Variants in BCOR observed in about 807,000 individuals in gnomAD.
BCOR encodes the protein BCL6 corepressor, also known as BCL-6 corepressor.
A neutral mutation model predicts 86.7 loss-of-function variants in BCOR; 10 were observed. The observed-to-expected ratio is 0.12, with a 90% CI of 0.07 to 0.20. BCOR has a LOEUF of 0.20. BCOR is among the 10% of genes least tolerant of loss of function. The pLI is 1.00. For synonymous variants in BCOR, 611 were observed against 609.0 expected, an observed-to-expected ratio of 1.00 and a Z score of -0.05; for missense variants, 1,259 against 1,452.1, an observed-to-expected ratio of 0.87 and a Z score of 2.16.
rs1189247969 is a variant in BCOR at position 40,073,983 on chromosome X, C to T, written c.1363G>A (p.Ala455Thr). 2 of 1,212,411 alleles carry T rather than the reference C, an allele frequency of 1.6e-6. No homozygotes were observed. The highest frequency in any genetic ancestry group is 3.5e-5 in the South Asian group (2 of 57,031). The change falls in exon 4 of 15, where the codon GCT (alanine) becomes ACT (threonine). Residue 455 changes from alanine to threonine, a missense_variant. Around this residue, in one of 7 missense-constraint regions of BCOR, gnomAD observed 534 missense variants for 594.8 expected, o/e 0.90. Coordinates refer to ENST00000378444, the MANE Select transcript of BCOR (RefSeq NM_001123385.2). ...SKVVDVDASKADHMKKMAPTV... is the reference protein window; with the variant it reads ...SKVVDVDASKTDHMKKMAPTV... Reference sequence around the variant, plus strand: ...GGAGCCATCTTTTTCATGTGGTCAGCTTTGGAAGCATCTACATCCACCACT... The same window carrying T: ...GGAGCCATCTTTTTCATGTGGTCAGTTTTGGAAGCATCTACATCCACCACT...
Position 40,073,604 on chromosome X carries a change from G to T in BCOR, c.1742C>A (p.Thr581Asn). The stretch of plus-strand genomic sequence containing the variant: ...TTCTACAGAGCTCCTGCTGGTTTTG[G>T]TGCCATCTGCATTGGCATTGGGGGC... ...SPAPNANADGTKTSRSSVETT... is the reference protein window; with the variant it reads ...SPAPNANADGNKTSRSSVETT... Residue 581 changes from threonine (T) to asparagine (N), a missense_variant, in exon 4 of 15, where the codon ACC (threonine) becomes AAC (asparagine). Physicochemically the swap from Thr to Asn is moderately conservative, Grantham distance 65 (BLOSUM62 0). Coordinates refer to ENST00000378444, the MANE Select transcript of BCOR (RefSeq NM_001123385.2). 1 of 1,212,244 alleles carries T rather than the reference G, an allele frequency of 8.2e-7. No homozygotes were observed. Among genetic ancestry groups the T allele is most frequent in the Non-Finnish European group, 1.1e-6 (1 of 895,689 alleles).
chrX:40,128,045 T>G (rs1015085131), intron 1 of BCOR, among the ~76,000 whole-genome samples: 6 of 99,314 alleles, frequency 6.0e-5, no homozygotes, highest in African/African-American at 2.3e-4. Context: ...GCCAATATGG[T>G]GAAACCCCAT....
intron 1 of BCOR, among the ~76,000 whole-genome samples, chrX:40,170,478 G>A (rs2148029168): frequency 9.1e-6 from 1 of 110,096 alleles, no homozygotes; most frequent in South Asian, 3.9e-4. Context: ...CTCCCCAGTA[G>A]CTGGGATTAC....
intron 1 of BCOR, among the ~76,000 whole-genome samples, chrX:40,090,561 C>A (rs954401443): frequency 1.8e-5 from 2 of 111,628 alleles, no homozygotes; most frequent in Admixed American, 9.3e-5. Flanking sequence ...TTGCTCCACC[C>A]CACCCCACCC....
intron 1 of BCOR, among the ~76,000 whole-genome samples, chrX:40,083,053 C>G (rs1412947532): frequency 9.5e-6 from 1 of 105,728 alleles, no homozygotes; most frequent in Non-Finnish European, 1.9e-5. Context: ...AGCAGCAGCG[C>G]TGTGCTCCGG....
rs1324288087 is a variant in BCOR at position 40,075,146 on chromosome X, A to C, written c.200T>G (p.Leu67Arg). ...AGTGCGGTCCATGCTCAGTGCTGCC[A>C]GGCCATCGATCCTATGGGCCGTGCT... The part of the protein sequence containing the change: ...DASTAHRIDG[L>R]AALSMDRTGL... The change falls in exon 4 of 15, where the codon CTG becomes CGG. Residue 67 changes from leucine to arginine, a missense_variant. Physicochemically the swap from Leu to Arg is moderately radical, Grantham distance 102. Around this residue, in one of 7 missense-constraint regions of BCOR, gnomAD observed 174 missense variants for 189.3 expected, o/e 0.92. Coordinates refer to ENST00000378444, the MANE Select transcript of BCOR (RefSeq NM_001123385.2). 8.3e-7 allele frequency: 1 copy of C among 1,207,778 alleles called. No homozygotes were observed. The highest frequency in any genetic ancestry group is 1.1e-6 in the Non-Finnish European group (1 of 894,587).
Position 40,073,053 on chromosome X carries a change from A to T in BCOR, c.2293T>A (p.Ser765Thr). Residue 765 changes from serine (S) to threonine (T), a missense_variant, in exon 4 of 15, where the codon TCC becomes ACC. By Grantham distance (58) the Ser-to-Thr change is moderately conservative. This residue lies in a region of BCOR where 534 missense variants were observed against 594.8 expected (regional missense o/e 0.90). Coordinates refer to ENST00000378444, the MANE Select transcript of BCOR (RefSeq NM_001123385.2). ...YEDPTLRNRF[S>T]EILETSSTKL... ...GTGCTGCTAGTTTCCAAAATCTCGG[A>T]AAACCGATTCCGGAGGGTTGGGTCC... 8.3e-7 allele frequency: 1 copy of T among 1,211,850 alleles called. No individual in the cohort carries two copies. Among genetic ancestry groups the T allele is most frequent in the African/African-American group, 1.7e-5 (1 of 57,767 alleles).
rs11797578 is a variant in BCOR at position 40,068,866 on chromosome X, C to T, written c.3238+2107G>A. Among the ~76,000 whole-genome samples the T allele has an allele frequency of 7.4e-3, 838 of 113,087 alleles. 8 individuals are homozygous for T. Among genetic ancestry groups the T allele is most frequent in the Non-Finnish European group, 0.011 (595 of 53,334 alleles). On this transcript the variant is annotated intron_variant, in intron 6 of 14. Transcript: ENST00000378444. ...TTCAGTTTTTTTAAACAAGCCCTCC[C>T]AACAAGATGCACCCACACGCAGGCA...
At chrX:40,120,331 T>C (rs945391052) in intron 1 of BCOR, among the ~76,000 whole-genome samples, 1 of 111,342 alleles carries the variant, frequency 9.0e-6, no homozygotes, top group African/African-American at 3.3e-5. Flanking sequence ...CCCTTCTCTC[T>C]TCCTCCCCTT....
chrX:40,091,407 C>G (rs1936604234), intron 1 of BCOR, among the ~76,000 whole-genome samples: 1 of 111,868 alleles, frequency 8.9e-6, no homozygotes, highest in African/African-American at 3.3e-5. Context: ...TTCCCCGCTT[C>G]TCTAATCATG....
intron 1 of BCOR, chrX:40,146,619 G>C (rs1938061836): frequency 8.9e-6 from 1 of 112,440 alleles, no homozygotes; most frequent in African/African-American, 3.2e-5. Flanking sequence ...GCGCTTCAGT[G>C]CATGAATGGA....
chrX:40,089,368 A>C (rs1936497154), intron 1 of BCOR, among the ~76,000 whole-genome samples: 1 of 111,777 alleles, frequency 8.9e-6, no homozygotes, highest in Non-Finnish European at 1.9e-5. Context: ...GAGAGGAGCC[A>C]ATTATTGGTC....
chrX:40,130,083 C>G (rs187384549), intron 1 of BCOR, among the ~76,000 whole-genome samples: 41 of 111,237 alleles, frequency 3.7e-4, no homozygotes, highest in African/African-American at 1.2e-3. Flanking sequence ...CCTCTACCAC[C>G]CTCCGGGCCT....
rs1397661727 is a variant in BCOR, at chrX:40,074,333, C to T, written c.1013G>A (p.Arg338Gln). 4 of 1,210,368 alleles carry T rather than the reference C, an allele frequency of 3.3e-6. No individual in the cohort carries two copies. The highest frequency in any genetic ancestry group is 3.5e-5 in the African/African-American group (2 of 57,459). Residue 338 changes from arginine (R) to glutamine (Q), a missense_variant, in exon 4 of 15, where the codon CGG (arginine) becomes CAG (glutamine). By Grantham distance (43) the Arg-to-Gln change is conservative. Around this residue, in one of 7 missense-constraint regions of BCOR, gnomAD observed 534 missense variants for 594.8 expected, o/e 0.90. Coordinates refer to ENST00000378444, the MANE Select transcript of BCOR (RefSeq NM_001123385.2). ...GGGAAGGTGGACTCGGGGTGACGGC[C>T]GAGGCGAGGGGGGCAACAGGAGAGC... is the stretch of plus-strand genomic sequence containing the variant. ...DTALLLPPSP[R>Q]PSPRVHLPTQ... is the part of the protein sequence containing the mutation.
chrX:40,073,959 G>A lies in BCOR; in HGVS notation c.1387C>T (p.Pro463Ser), dbSNP rs1602153264. 1.6e-6 allele frequency: 2 copies of A among 1,212,287 alleles called. No homozygotes were observed. Among genetic ancestry groups the A allele is most frequent in the Non-Finnish European group, 2.2e-6 (2 of 895,654 alleles). Reference protein sequence around the residue: ...SKADHMKKMAPTVLVHSRAGS... With the variant: ...SKADHMKKMASTVLVHSRAGS... ...GCCCTGCTGTGAACCAGGACCGTGG[G>A]AGCCATCTTTTTCATGTGGTCAGCT... The change falls in exon 4 of 15, where the codon CCC (proline) becomes TCC (serine). Residue 463 changes from proline (P) to serine (S), a missense_variant. Pro to Ser is a moderately conservative substitution (Grantham distance 74). Around this residue, in one of 7 missense-constraint regions of BCOR, gnomAD observed 534 missense variants for 594.8 expected, o/e 0.90. Transcript: ENST00000378444.
intron 1 of BCOR, among the ~76,000 whole-genome samples, chrX:40,138,737 T>C (rs1937744420): frequency 9.1e-6 from 1 of 110,184 alleles, no homozygotes; most frequent in African/African-American, 3.3e-5. Context: ...GTATTTTTAG[T>C]AGAGACGGGG....
chrX:40,155,551 C>T (rs1938272155), intron 1 of BCOR, among the ~76,000 whole-genome samples: 1 of 110,602 alleles, frequency 9.0e-6, no homozygotes, highest in Non-Finnish European at 1.9e-5. Context: ...ACAGCCCACA[C>T]CCGGACCCAG....
In BCOR at chrX:40,086,491, C is replaced by G. The variant is rs761684409; in HGVS notation, c.-40-8522G>C. ...TCTGCCTCACCACAAGTTCCCTAAACCACAACATACAAACCATCCTGCACC... is the reference window on the plus strand; with the variant it reads ...TCTGCCTCACCACAAGTTCCCTAAAGCACAACATACAAACCATCCTGCACC... On this transcript the variant is annotated intron_variant, in intron 1 of 14. Coordinates refer to ENST00000378444, the MANE Select transcript of BCOR (RefSeq NM_001123385.2). Among the ~76,000 whole-genome samples the G allele has an allele frequency of 9.7e-5, 11 of 113,113 alleles. No individual in the cohort carries two copies. The Admixed American group carries it at 1.0e-3, about 10-fold the overall frequency.
intron 1 of BCOR, among the ~76,000 whole-genome samples, chrX:40,162,892 T>C (rs1037431836): frequency 1.5e-4 from 17 of 111,681 alleles, no homozygotes; most frequent in African/African-American, 5.2e-4. Context: ...ACCTCTAGCA[T>C]GAAATTAGAA....
Sources: allele counts gnomAD v4.1 joint callset (sites outside exome capture counted in the v4.1 genomes callset), GRCh38; gene constraint gnomAD v4.1.1; regional missense constraint gnomAD v4.1.1; transcripts MANE v1.5; gene names NCBI Gene and HGNC (gene_info 2026-07-23, HGNC 2026-07-21).